The following UFL1 variants were observed in gnomAD, a reference collection of about 807,000 sequenced individuals.
UFL1 encodes UFM1 specific ligase 1.
UFL1 carries 78 observed loss-of-function variants against 99.3 expected under a neutral mutation model. The ratio of observed to expected loss-of-function variants is 0.79; its 90% CI spans 0.65 to 0.95. The LOEUF is 0.95. UFL1 is among the 40% of genes least tolerant of loss of function. The pLI, the probability that UFL1 is intolerant of heterozygous loss-of-function variation, is 0.00. For synonymous variants in UFL1, 335 were observed against 322.2 expected, an observed-to-expected ratio of 1.04 and a Z score of -0.42; for missense variants, 936 against 937.0, an observed-to-expected ratio of 1.00 and a Z score of 0.01.
Position 96,537,850 on chromosome 6 carries a change from G to A in UFL1, c.978+301G>A, listed in dbSNP as rs183680755. On this transcript the variant is annotated intron_variant, in intron 9 of 18. Transcript: ENST00000369278. ...ACATCTTTTCCACGCATTCACAGCC[G>A]TACTGGCATCAGGCATTGTGTAGCA... Among the ~76,000 whole-genome samples the A allele has an allele frequency of 1.3e-3, 201 of 151,960 alleles. 1 individual carries two copies. Among genetic ancestry groups the A allele is most frequent in the Admixed American group, 3.2e-3 (49 of 15,200 alleles).
intron 10 of UFL1, among the ~76,000 whole-genome samples, chr6:96,540,022 C>G (rs1769908322): frequency 6.6e-6 from 1 of 151,126 alleles, no homozygotes; most frequent in Non-Finnish European, 1.5e-5. Flanking sequence ...TCGTTGTTAT[C>G]ATAAACTTTT....
intron 3 of UFL1, 46 bp from the exon 4 acceptor site, chr6:96,525,251 A>C: frequency 7.1e-7 from 1 of 1,405,996 alleles, no homozygotes; most frequent in South Asian, 1.2e-5. Flanking sequence ...CAAGCTTAAG[A>C]AACAATACAA....
At position 96,552,521 on chromosome 6, in the gene UFL1, G is replaced by A. The variant is rs766234857; in HGVS notation, c.2025G>A (p.Gln675=). 53 of 1,607,608 alleles carry A rather than the reference G, an allele frequency of 3.3e-5. No individual in the cohort carries two copies. Among genetic ancestry groups the A allele is most frequent in the Non-Finnish European group, 3.9e-5 (46 of 1,178,066 alleles). Residue 675 remains glutamine (Q), a synonymous_variant, in exon 18 of 19, where the codon CAG becomes CAA. Transcript: ENST00000369278. ...LFQHRQALAE[Q]LKVTEDPALI... is the part of the protein sequence containing the mutation. ...AACATCGACAAGCACTGGCTGAACA[G>A]CTAAAGGTCACAGAAGACCCTGCTC... is the stretch of plus-strand genomic sequence containing the variant.
chr6:96,532,564 A>T (rs989838293), intron 6 of UFL1, among the ~76,000 whole-genome samples: 4 of 152,216 alleles, frequency 2.6e-5, no homozygotes, highest in African/African-American at 9.6e-5. Flanking sequence ...TATTGTTCTC[A>T]TGGGAATGGA....
At chr6:96,532,279 A>G (rs776237368) in intron 6 of UFL1, among the ~76,000 whole-genome samples, 8 of 152,216 alleles carry the variant, frequency 5.3e-5, no homozygotes, top group Admixed American at 2.0e-4. Context: ...CATTTTTGTA[A>G]GGATGTGTTT....
intron 1 of UFL1, 81 bp downstream of exon 1, chr6:96,522,031 G>T: frequency 6.9e-7 from 1 of 1,448,392 alleles, no homozygotes. Flanking sequence ...TTAGACCCGC[G>T]GCCCTGCATC....
intron 15 of UFL1, among the ~76,000 whole-genome samples, chr6:96,550,668 C>T (rs1770065290): frequency 6.6e-6 from 1 of 152,010 alleles, no homozygotes; most frequent in South Asian, 2.1e-4. Context: ...TGCTGGCCCC[C>T]TTCCCTTCTT....
At position 96,553,316 on chromosome 6, in the gene UFL1, G is replaced by A. The variant is rs753536992; in HGVS notation, c.2198G>A (p.Gly733Asp). 1 of 1,613,670 alleles carries A rather than the reference G, an allele frequency of 6.2e-7. No individual in the cohort carries two copies. The highest frequency in any genetic ancestry group is 1.1e-5 in the South Asian group (1 of 91,064). The part of the protein sequence containing the change: ...DQHALLVKYQ[G>D]LVVKQLVSQS... ...CATGCTCTTTTGGTAAAGTATCAAG[G>A]TTTGGTTGTAAAGCAGCTAGTCAGT... The change falls in exon 19 of 19, where the codon GGT becomes GAT. Residue 733 changes from glycine (G) to aspartate (D), a missense_variant. Physicochemically the swap from Gly to Asp is moderately conservative, Grantham distance 94. Transcript: ENST00000369278.
chr6:96,553,714 TC>T lies in UFL1; in HGVS notation c.*213del. 2.4e-6 allele frequency: 1 copy of T among 411,138 alleles called. No individual in the cohort carries two copies. The highest frequency in any genetic ancestry group is 4.3e-6 in the Non-Finnish European group (1 of 231,686). 25.5% of individuals were successfully genotyped at this position (411,138 alleles called of 1,614,324 possible). A position where few individuals can be genotyped will look rare whatever the true frequency, so the allele number is the denominator to read the frequency against. On this transcript the variant is annotated 3_prime_UTR_variant, in exon 19 of 19. Coordinates refer to ENST00000369278, the MANE Select transcript of UFL1 (RefSeq NM_015323.5). ...ATTGGGTTCTTCATGGAAGTTTTTT[TC>T]CACCTGATTTTCACACAAATACTAT...
chr6:96,526,233 C>T (rs1203653467), intron 4 of UFL1, 88 bp from the exon 5 acceptor site: 21 of 1,092,584 alleles, frequency 1.9e-5, no homozygotes. Flanking sequence ...GGGCATACTT[C>T]ATTTCAACGG....
intron 6 of UFL1, 31 bp downstream of exon 6, chr6:96,528,663 A>C: frequency 6.4e-7 from 1 of 1,556,334 alleles, no homozygotes; most frequent in Non-Finnish European, 8.7e-7. Context: ...ATATATTTGC[A>C]CATTTCTTTG....
intron 10 of UFL1, among the ~76,000 whole-genome samples, chr6:96,539,078 T>C (rs191879575): frequency 6.6e-6 from 1 of 151,752 alleles, no homozygotes; most frequent in Admixed American, 6.6e-5. Flanking sequence ...TTTCCTGAGG[T>C]TGGTCCAACT....
intron 5 of UFL1, among the ~76,000 whole-genome samples, chr6:96,527,974 A>G (rs895950350): frequency 6.6e-6 from 1 of 152,188 alleles, no homozygotes; most frequent in South Asian, 2.1e-4. Flanking sequence ...GGTTACCAAG[A>G]AGTCAGATTA....
At chr6:96,546,164 G>A (rs977266099) in intron 12 of UFL1, among the ~76,000 whole-genome samples, 1 of 150,856 alleles carries the variant, frequency 6.6e-6, no homozygotes, top group Non-Finnish European at 1.5e-5. Context: ...AATGACTTCA[G>A]TAAAATATCA....
intron 16 of UFL1, 96 bp from the exon 17 acceptor site, chr6:96,551,740 GTA>G (rs1480969523): frequency 3.4e-6 from 3 of 872,698 alleles, no homozygotes; most frequent in Non-Finnish European, 5.3e-6. Context: ...TTTAAAAATT[GTA>G]TTTGGGATGT....
At chr6:96,544,481 A>G (rs1438876054) in intron 12 of UFL1, among the ~76,000 whole-genome samples, 1 of 150,944 alleles carries the variant, frequency 6.6e-6, no homozygotes, top group Non-Finnish European at 1.5e-5. Flanking sequence ...CATACGGGCT[A>G]TAGCTGGAAG....
At position 96,553,378 on chromosome 6, in the gene UFL1, A is replaced by C. The variant is rs755329895; in HGVS notation, c.2260A>C (p.Asn754His). ...KKTGQGDYPL[N>H]NELDKEQEDV... Reference sequence around the variant, plus strand: ...GACTGGGCAGGGAGATTATCCCTTGAATAATGAATTAGACAAAGAACAAGA... The same window carrying C: ...GACTGGGCAGGGAGATTATCCCTTGCATAATGAATTAGACAAAGAACAAGA... The change falls in exon 19 of 19, where the codon AAT becomes CAT. Residue 754 changes from asparagine to histidine, a missense_variant. Transcript: ENST00000369278. The C allele has an allele frequency of 3.1e-6, 5 of 1,613,732 alleles. No homozygotes were observed. In the African/African-American group the frequency reaches 6.7e-5, roughly 22 times the overall value.
rs1221353083 is a variant in UFL1 at position 96,554,340 on chromosome 6, T to A, written c.*837T>A. 2 of 152,204 alleles carry A rather than the reference T, an allele frequency of 1.3e-5. No homozygotes were observed. The highest frequency in any genetic ancestry group is 6.5e-5 in the Admixed American group (1 of 15,268). The allele number at this position is 152,204 out of a possible 1,614,324, so 9.4% of individuals were successfully genotyped here. A position where few individuals can be genotyped will look rare whatever the true frequency, so the allele number is the denominator to read the frequency against. On this transcript the variant is annotated 3_prime_UTR_variant, in exon 19 of 19. Coordinates refer to ENST00000369278, the MANE Select transcript of UFL1 (RefSeq NM_015323.5). ...ACAGCTGCTCTGTCACATAATACTTTGTAAATACTAGTGTGAAAAACAGAT... is the reference window on the plus strand; with the variant it reads ...ACAGCTGCTCTGTCACATAATACTTAGTAAATACTAGTGTGAAAAACAGAT...
In UFL1 at chr6:96,554,160, T is replaced by G. The variant is rs1163052680; in HGVS notation, c.*657T>G. ...CTAGAGTGGCCCATGCATTGCTGTG[T>G]TCTCTTCTAAAACAAGCTACTAACA... is the stretch of plus-strand genomic sequence containing the variant. On this transcript the variant is annotated 3_prime_UTR_variant, in exon 19 of 19. Coordinates refer to ENST00000369278, the MANE Select transcript of UFL1 (RefSeq NM_015323.5). The G allele has an allele frequency of 6.6e-6, 1 of 152,196 alleles. No individual in the cohort carries two copies. Among genetic ancestry groups the G allele is most frequent in the East Asian group, 1.9e-4 (1 of 5,202 alleles). The allele number at this position is 152,196 out of a possible 1,614,324, so 9.4% of individuals were successfully genotyped here.
Sources: allele counts gnomAD v4.1 joint callset (sites outside exome capture counted in the v4.1 genomes callset), GRCh38; gene constraint gnomAD v4.1.1; transcripts MANE v1.5; gene names NCBI Gene and HGNC (gene_info 2026-07-23, HGNC 2026-07-21).